PRTG: variants seen among roughly 807,000 people sequenced by gnomAD.
PRTG encodes immunoglobulin superfamily, DCC subclass, member 5.
A neutral mutation model predicts 122.5 loss-of-function variants in PRTG; 67 were observed. That is an observed-to-expected ratio of 0.55 (90% CI 0.45 to 0.67). PRTG has a LOEUF of 0.67. PRTG is among the 30% of genes least tolerant of loss of function. The pLI is 0.00. For missense variants in PRTG, 1,435 were observed against 1,415.4 expected (o/e 1.01, Z -0.22); for synonymous variants, 554 against 501.1 (o/e 1.11, Z -1.41).
At chr15:55,712,969 T>C (rs1045135376) in intron 2 of PRTG, among the ~76,000 whole-genome samples, 20 of 152,144 alleles carry the variant, frequency 1.3e-4, no homozygotes, top group African/African-American at 3.6e-4. Context: ...GAAGAATGAG[T>C]AGTATAACAC....
chr15:55,648,335 C>T (rs1424981604), intron 11 of PRTG, among the ~76,000 whole-genome samples: 1 of 152,192 alleles, frequency 6.6e-6, no homozygotes, highest in African/African-American at 2.4e-5. Flanking sequence ...ATGAGACTCT[C>T]TAATGCCAAA....
intron 2 of PRTG, among the ~76,000 whole-genome samples, chr15:55,698,577 T>G (rs1220603481): frequency 6.6e-6 from 1 of 152,094 alleles, no homozygotes; most frequent in Non-Finnish European, 1.5e-5. Flanking sequence ...AGGCATGAGC[T>G]GCCACGCTCA....
chr15:55,742,556 G>T (rs547094928), intron 1 of PRTG: 2 of 419,934 alleles, frequency 4.8e-6, no homozygotes, highest in East Asian at 8.3e-5. Context: ...AGTGGACAGC[G>T]GCCGCCAGAA....
chr15:55,639,590 G>A (rs372342073), intron 13 of PRTG, 52 bp downstream of exon 13: 12 of 1,493,196 alleles, frequency 8.0e-6, no homozygotes, highest in African/African-American at 1.4e-5. Context: ...AAGTTGGAGT[G>A]GGGGTGTGGT....
rs35216342 is a variant in PRTG at position 55,708,148 on chromosome 15, TAAAAAAAAAAAAAAAA to T, written c.398-24233_398-24218del. Among the ~76,000 whole-genome samples, 313 of 70,028 alleles carry T rather than the reference TAAAAAAAAAAAAAAAA, an allele frequency of 4.5e-3. 4 individuals carry two copies. Among genetic ancestry groups the T allele is most frequent in the South Asian group, 0.028 (82 of 2,956 alleles). The allele number at this position is 70,028 out of a possible 152,430, so 45.9% of individuals were successfully genotyped here. On this transcript the variant is annotated intron_variant, in intron 2 of 19. Coordinates refer to ENST00000389286, the MANE Select transcript of PRTG (RefSeq NM_173814.6). ...CCTGTGGAAAGGAGGAGTAAGCTGGTAAAAAAAAAAAAAAAAAAAAAAAAAAAAACAGAGGCAGAAG... is the reference window on the plus strand; with the variant it reads ...CCTGTGGAAAGGAGGAGTAAGCTGGTAAAAAAAAAAAAACAGAGGCAGAAG...
chr15:55,672,580 C>G lies in PRTG; in HGVS notation c.1906G>C (p.Val636Leu), dbSNP rs149494002. Residue 636 changes from valine (V) to leucine (L), a missense_variant, in exon 11 of 20, where the codon GTG becomes CTG. Val to Leu is a conservative substitution (Grantham distance 32, BLOSUM62 1). Transcript: ENST00000389286. ...LEPLNCTTISVRWQQDVEDTA... is the reference protein window; with the variant it reads ...LEPLNCTTISLRWQQDVEDTA... Reference sequence around the variant, plus strand: ...TCCTCTACATCTTGCTGCCACCTCACAGAAATGGTGGTACAGTTCAGAGGC... The same window carrying G: ...TCCTCTACATCTTGCTGCCACCTCAGAGAAATGGTGGTACAGTTCAGAGGC... The G allele has an allele frequency of 8.4e-3, 13,595 of 1,614,048 alleles. 70 individuals carry two copies. The highest frequency in any genetic ancestry group is 9.8e-3 in the Non-Finnish European group (11,541 of 1,179,986).
At chr15:55,738,441 G>A (rs2141895239) in intron 2 of PRTG, 1 of 700,600 alleles carries the variant, frequency 1.4e-6, no homozygotes, top group East Asian at 2.7e-5. Flanking sequence ...GTGTGGTCAT[G>A]ACAAATGCTT....
chr15:55,691,849 A>G (rs1419939080), intron 2 of PRTG, among the ~76,000 whole-genome samples: 1 of 152,006 alleles, frequency 6.6e-6, no homozygotes, highest in Non-Finnish European at 1.5e-5. Context: ...CCTGGGAAAT[A>G]GGGCGAGACC....
chr15:55,704,355 C>T (rs1452129830), intron 2 of PRTG, among the ~76,000 whole-genome samples: 4 of 152,150 alleles, frequency 2.6e-5, no homozygotes, highest in Non-Finnish European at 5.9e-5. Flanking sequence ...GCAACTTCAT[C>T]TGTGCAGAAA....
chr15:55,646,214 A>AT (rs1436151759), intron 11 of PRTG, among the ~76,000 whole-genome samples: 2 of 138,966 alleles, frequency 1.4e-5, no homozygotes, highest in Non-Finnish European at 3.1e-5. Context: ...GGGTTTCACC[A>AT]TGTTGGCCAG....
chr15:55,736,086 T>C (rs1238921574), intron 2 of PRTG, among the ~76,000 whole-genome samples: 3 of 152,166 alleles, frequency 2.0e-5, no homozygotes, highest in Admixed American at 6.5e-5. Context: ...TGTTGGCAGA[T>C]TGGTTTCTCT....
At chr15:55,680,332 T>A in intron 5 of PRTG, 120 bp from the exon 6 acceptor site, 1 of 1,115,838 alleles carries the variant, frequency 9.0e-7, no homozygotes, top group Non-Finnish European at 1.3e-6. Context: ...AAATTCTCCA[T>A]GTTAAGACCT....
Position 55,703,266 on chromosome 15 carries a change from C to T in PRTG, c.398-19335G>A, listed in dbSNP as rs1241172891. On this transcript the variant is annotated intron_variant, in intron 2 of 19. Transcript: ENST00000389286. ...ATGCCACACTGATATTTCTACTCTT[C>T]TAAAGCAGAGGAGAAAATAGTTACA... Among the ~76,000 whole-genome samples, 3 of 152,216 alleles carry T rather than the reference C, an allele frequency of 2.0e-5. No homozygotes were observed. The East Asian group carries it at 5.8e-4, about 29-fold the overall frequency.
At chr15:55,706,485 G>C (rs1266871613) in intron 2 of PRTG, among the ~76,000 whole-genome samples, 1 of 150,582 alleles carries the variant, frequency 6.6e-6, no homozygotes, top group Non-Finnish European at 1.5e-5. Context: ...GGGCACAGTG[G>C]CTCATGACTA....
chr15:55,693,361 CAGG>C (rs1294026427), intron 2 of PRTG, among the ~76,000 whole-genome samples: 2 of 150,104 alleles, frequency 1.3e-5, no homozygotes, highest in Non-Finnish European at 2.9e-5. Context: ...GAGGGTGAGG[CAGG>C]AGAATTGCTT....
In PRTG at chr15:55,626,395, T is replaced by C. The variant is rs1310740466; in HGVS notation, c.2927+613A>G. On this transcript the variant is annotated intron_variant, in intron 17 of 19. Transcript: ENST00000389286. ...CTGCACTCCAGCCTGGGCGACAGAA[T>C]GAGACTTTGTCTCAAAAAAAAAAAA... 2.0e-5 allele frequency among the ~76,000 whole-genome samples: 3 copies of C among 149,196 alleles called. No homozygotes were observed. The East Asian group carries it at 5.9e-4, about 29-fold the overall frequency.
intron 11 of PRTG, among the ~76,000 whole-genome samples, chr15:55,668,731 A>C (rs2059451580): frequency 6.6e-6 from 1 of 152,214 alleles, no homozygotes; most frequent in South Asian, 2.1e-4. Context: ...CATTAAAATC[A>C]AACAAGCTAA....
At chr15:55,683,995 A>G in intron 2 of PRTG, 64 bp from the exon 3 acceptor site, 1 of 1,367,610 alleles carries the variant, frequency 7.3e-7, no homozygotes. Context: ...AAGTAACATT[A>G]CACTAGATAT....
chr15:55,650,190 C>T (rs185520772), intron 11 of PRTG, among the ~76,000 whole-genome samples: 105 of 152,198 alleles, frequency 6.9e-4, no homozygotes, highest in Admixed American at 5.2e-3. Flanking sequence ...AAAGCTGACA[C>T]GTTTGTCAGT....
Sources: gnomAD v4.1 joint callset for allele counts (sites outside exome capture counted in the v4.1 genomes callset) on GRCh38, gnomAD v4.1.1 for gene constraint, MANE v1.5 for transcripts, NCBI Gene and HGNC (gene_info 2026-07-23, HGNC 2026-07-21) for gene names.